Variants in CHN2 observed in about 807,000 individuals in gnomAD.
CHN2 encodes the protein beta-chimaerin.
In CHN2, 35 loss-of-function variants were observed where a neutral mutation model predicts 56.3. The observed-to-expected ratio is 0.62, with a 90% confidence interval of 0.47 to 0.82. The LOEUF is 0.82. Ranked by LOEUF, CHN2 falls within the 40% of genes least tolerant of loss-of-function variation. CHN2 has a pLI of 0.00. For synonymous variants in CHN2, 210 were observed against 212.8 expected (o/e 0.99, Z 0.12); for missense variants, 491 against 580.5 (o/e 0.85, Z 1.58).
intron 3 of CHN2, among the ~76,000 whole-genome samples, chr7:29,374,046 C>A (rs891786901): frequency 9.9e-5 from 15 of 152,202 alleles, no homozygotes; most frequent in Admixed American, 3.9e-4. Context: ...AATCTCATTA[C>A]CTTTTAATTG....
chr7:29,475,008 T>C (rs544628203), intron 6 of CHN2, among the ~76,000 whole-genome samples: 1 of 152,252 alleles, frequency 6.6e-6, no homozygotes, highest in East Asian at 1.9e-4. Flanking sequence ...GTCTTTCTTC[T>C]ACCATTCCTT....
At chr7:29,157,276 A>T (rs191730757) in intron 2 of CHN2, among the ~76,000 whole-genome samples, 10 of 148,552 alleles carry the variant, frequency 6.7e-5, no homozygotes, top group Non-Finnish European at 1.3e-4. Flanking sequence ...TGCTACACCC[A>T]TTGGAACCTG....
rs150086033 is a variant in CHN2, at chr7:29,431,993, A to G, written c.576+31165A>G. Among the ~76,000 whole-genome samples the G allele has an allele frequency of 4.2e-3, 635 of 152,342 alleles. 3 individuals carry two copies. Among genetic ancestry groups the G allele is most frequent in the Non-Finnish European group, 4.3e-3 (292 of 68,038 alleles). Reference sequence around the variant, plus strand: ...TTGGGATCTCACCCTAAGATGGCTCAGGTAGCTTCAACTTCGGTTAAGTGC... The same window carrying G: ...TTGGGATCTCACCCTAAGATGGCTCGGGTAGCTTCAACTTCGGTTAAGTGC... On this transcript the variant is annotated intron_variant, in intron 6 of 12. Transcript: ENST00000222792.
upstream of CHN2, among the ~76,000 whole-genome samples, chr7:29,191,247 A>G (rs1473841329): frequency 6.6e-6 from 1 of 152,212 alleles, no homozygotes; most frequent in African/African-American, 2.4e-5. Flanking sequence ...TTAATGGACT[A>G]AGGTAATGAA....
chr7:29,295,045 A>G (rs1016327702), intron 1 of CHN2, among the ~76,000 whole-genome samples: 1 of 152,204 alleles, frequency 6.6e-6, no homozygotes, highest in East Asian at 1.9e-4. Flanking sequence ...ATAAAATAGC[A>G]TAGTATTTGC....
intron 3 of CHN2, among the ~76,000 whole-genome samples, chr7:29,391,840 A>G (rs1458880446): frequency 2.6e-5 from 4 of 152,172 alleles, no homozygotes; most frequent in African/African-American, 4.8e-5. Flanking sequence ...GTGTATTTTT[A>G]TCATTGGTTG....
intron 2 of CHN2, among the ~76,000 whole-genome samples, chr7:29,175,838 C>CA (rs1195421165): frequency 6.6e-6 from 1 of 152,138 alleles, no homozygotes; most frequent in Non-Finnish European, 1.5e-5. Context: ...AATTCACTGA[C>CA]ATTTTAGGAC....
At chr7:29,478,582 C>T (rs1347519648) in intron 6 of CHN2, among the ~76,000 whole-genome samples, 1 of 152,144 alleles carries the variant, frequency 6.6e-6, no homozygotes, top group Non-Finnish European at 1.5e-5. Flanking sequence ...GGAGCATGGG[C>T]GCTGGACACA....
intron 3 of CHN2, among the ~76,000 whole-genome samples, chr7:29,391,786 G>T (rs1173978832): frequency 6.6e-6 from 1 of 152,198 alleles, no homozygotes; most frequent in Non-Finnish European, 1.5e-5. Context: ...ATTACTTCAT[G>T]CACATGGCTG....
intron 2 of CHN2, among the ~76,000 whole-genome samples, chr7:29,188,384 C>T (rs1290528681): frequency 6.6e-6 from 1 of 152,146 alleles, no homozygotes; most frequent in Admixed American, 6.5e-5. Flanking sequence ...ACATATTAAA[C>T]TTTCCTAGAA....
intron 2 of CHN2, among the ~76,000 whole-genome samples, chr7:29,361,151 A>C (rs1798701709): frequency 6.6e-6 from 1 of 152,352 alleles, no homozygotes; most frequent in East Asian, 1.9e-4. Flanking sequence ...ATTGACATAC[A>C]TTATTGCATG....
At chr7:29,257,517 C>T (rs1460457840) in intron 1 of CHN2, among the ~76,000 whole-genome samples, 1 of 152,184 alleles carries the variant, frequency 6.6e-6, no homozygotes, top group African/African-American at 2.4e-5. Flanking sequence ...CTCCACATAT[C>T]CCAGCACCTA....
chr7:29,239,699 A>G (rs978568374), intron 1 of CHN2, among the ~76,000 whole-genome samples: 3 of 152,178 alleles, frequency 2.0e-5, no homozygotes, highest in East Asian at 1.9e-4. Context: ...TCCAGATCAC[A>G]TATCCTGGCC....
At chr7:29,345,102 A>G (rs1318776335) in intron 1 of CHN2, among the ~76,000 whole-genome samples, 1 of 152,182 alleles carries the variant, frequency 6.6e-6, no homozygotes, top group African/African-American at 2.4e-5. Context: ...TCCAGGCCAC[A>G]TGCTCTGGCT....
intron 9 of CHN2, 77 bp from the exon 10 acceptor site, chr7:29,504,667 A>G (rs1790361699): frequency 2.2e-6 from 2 of 926,922 alleles, no homozygotes; most frequent in Admixed American, 2.1e-5. Flanking sequence ...CATGTAGTAT[A>G]GACGTGAAAT....
chr7:29,369,049 G>A (rs115126457), intron 3 of CHN2, among the ~76,000 whole-genome samples: 4,508 of 152,138 alleles, frequency 0.03, 235 homozygotes, highest in African/African-American at 0.1. Context: ...TCAATAATAT[G>A]TTATTTGTTA....
chr7:29,351,130 A>AAAAAAAC, intron 1 of CHN2, among the ~76,000 whole-genome samples: 2 of 150,180 alleles, frequency 1.3e-5, no homozygotes, highest in Non-Finnish European at 3.0e-5. Context: ...AAAAAAAAAA[A>AAAAAAAC]TTCCCACAGT....
rs953185050 is a variant in CHN2 at position 29,479,886 on chromosome 7, G to A, written c.577-393G>A. On this transcript the variant is annotated intron_variant, in intron 6 of 12. Transcript: ENST00000222792. Reference sequence around the variant, plus strand: ...ATGTTTGCTATTGTTCCAGGCGCACGTCGGCCTTAAGAAATAGCACAAAAC... The same window carrying A: ...ATGTTTGCTATTGTTCCAGGCGCACATCGGCCTTAAGAAATAGCACAAAAC... 2.9e-5 allele frequency: 40 copies of A among 1,402,890 alleles called. No homozygotes were observed. In the African/African-American group the frequency reaches 4.5e-4, roughly 16 times the overall value. 86.9% of individuals were successfully genotyped at this position (1,402,890 alleles called of 1,614,324 possible). A position where few individuals can be genotyped will look rare whatever the true frequency, so the allele number is the denominator to read the frequency against.
rs144856506 is a variant in CHN2, at chr7:29,455,890, GAAC to G, written c.577-24381_577-24379del. ...CACTCCTCAGCTCACCCTGCATTAAGAACAACAACAGCAGCCATGTGCTCAGAG... is the reference window on the plus strand; with the variant it reads ...CACTCCTCAGCTCACCCTGCATTAAGAACAACAGCAGCCATGTGCTCAGAG... On this transcript the variant is annotated intron_variant, in intron 6 of 12. Coordinates refer to ENST00000222792, the MANE Select transcript of CHN2 (RefSeq NM_004067.4). Among the ~76,000 whole-genome samples the G allele has an allele frequency of 7.6e-3, 1,156 of 152,272 alleles. 13 individuals are homozygous for G. The highest frequency in any genetic ancestry group is 0.027 in the African/African-American group (1,106 of 41,542).
Sources: gnomAD v4.1 joint callset for allele counts (sites outside exome capture counted in the v4.1 genomes callset) on GRCh38, gnomAD v4.1.1 for gene constraint, MANE v1.5 for transcripts, NCBI Gene and HGNC (gene_info 2026-07-23, HGNC 2026-07-21) for gene names.